The following AFG2B variants were observed in gnomAD, a reference collection of about 807,000 sequenced individuals.
AFG2B encodes AAA ATPase AFG2B, also known as ATPase family gene 2 protein homolog B.
the AFG2B span, chr15:45,421,275 C>A: frequency 8.9e-7 from 1 of 1,126,370 alleles, no homozygotes; most frequent in Non-Finnish European, 1.2e-6. Flanking sequence ...TCGTTTGCAA[C>A]TTCACACTTT....
the AFG2B span, chr15:45,402,429 G>C: frequency 1.9e-6 from 3 of 1,600,454 alleles, no homozygotes; most frequent in South Asian, 1.1e-5. Context: ...ATCTGTGTGC[G>C]ATGGCTCCGG....
At chr15:45,419,985 G>GGGCCCC in the AFG2B span, among the ~76,000 whole-genome samples, 1 of 76,872 alleles carries the variant, frequency 1.3e-5, no homozygotes, top group East Asian at 1.8e-3. Flanking sequence ...GCAAGACTCT[G>GGGCCCC]TCCCCCCCCC....
At chr15:45,415,577 C>T in the AFG2B span, 2 of 1,605,772 alleles carry the variant, frequency 1.2e-6, no homozygotes, top group African/African-American at 1.4e-5. Context: ...TATTTTTTTC[C>T]TAACAAAAGA....
At chr15:45,408,143 TTGACAATAAAAGGAA>T in the AFG2B span, among the ~76,000 whole-genome samples, 1 of 152,210 alleles carries the variant, frequency 6.6e-6, no homozygotes, top group African/African-American at 2.4e-5. Flanking sequence ...GAACAGGTAG[TTGACAATAAAAGGAA>T]TGACAATAAA....
the AFG2B span, chr15:45,418,552 T>C: frequency 6.3e-7 from 1 of 1,587,300 alleles, no homozygotes; most frequent in Non-Finnish European, 8.5e-7. Flanking sequence ...TTTATTTTGT[T>C]CCAGGGCAGG....
the AFG2B span, chr15:45,410,598 A>G: frequency 2.1e-6 from 3 of 1,457,304 alleles, no homozygotes; most frequent in Non-Finnish European, 1.9e-6. Flanking sequence ...TTATGATGAC[A>G]ACATACTGCG....
the AFG2B span, among the ~76,000 whole-genome samples, chr15:45,407,708 G>A: frequency 6.6e-6 from 1 of 152,130 alleles, no homozygotes; most frequent in African/African-American, 2.4e-5. Context: ...CTTAACATCT[G>A]TTTACAAATA....
chr15:45,410,337 G>C, the AFG2B span: 2 of 1,592,806 alleles, frequency 1.3e-6, no homozygotes, highest in Non-Finnish European at 8.6e-7. Flanking sequence ...CCTAATTTTT[G>C]GTTTGATTTT....
chr15:45,414,027 T>C, the AFG2B span, among the ~76,000 whole-genome samples: 281 of 152,298 alleles, frequency 1.8e-3, no homozygotes, highest in African/African-American at 6.6e-3. Context: ...TTGCTTACGT[T>C]CTAGCAGAGC....
chr15:45,411,272 G>T, the AFG2B span, among the ~76,000 whole-genome samples: 2 of 152,140 alleles, frequency 1.3e-5, no homozygotes, highest in African/African-American at 4.8e-5. Context: ...TTGAGGCCAA[G>T]AGTTCAAGAC....
the AFG2B span, chr15:45,402,724 C>T: frequency 1.9e-6 from 3 of 1,564,580 alleles, no homozygotes; most frequent in African/African-American, 4.1e-5. Context: ...CCTGAATCGC[C>T]TCCTCCTAGT....
chr15:45,412,570 G>A, the AFG2B span, among the ~76,000 whole-genome samples: 4 of 152,032 alleles, frequency 2.6e-5, no homozygotes, highest in Non-Finnish European at 5.9e-5. Flanking sequence ...ATTGTATTCT[G>A]ATAAAAGTAT....
the AFG2B span, chr15:45,403,256 G>A: frequency 6.3e-7 from 1 of 1,585,042 alleles, no homozygotes; most frequent in African/African-American, 1.4e-5. Context: ...TCCCGGCCTG[G>A]GGAGACCGAG....
chr15:45,404,037 A>G, the AFG2B span, among the ~76,000 whole-genome samples: 1 of 152,258 alleles, frequency 6.6e-6, no homozygotes, highest in South Asian at 2.1e-4. Context: ...CTATTCCACA[A>G]TTGAGGAGGT....
At chr15:45,405,316 A>G in the AFG2B span, 7 of 1,613,852 alleles carry the variant, frequency 4.3e-6, no homozygotes, top group Admixed American at 3.3e-5. Flanking sequence ...TGCTTTGCAT[A>G]TAGGTGGTCA....
At chr15:45,420,841 A>G in the AFG2B span, among the ~76,000 whole-genome samples, 1 of 152,074 alleles carries the variant, frequency 6.6e-6, no homozygotes, top group African/African-American at 2.4e-5. Flanking sequence ...AAAATACAAA[A>G]ATTAGTTGGG....
At chr15:45,409,813 G>A in the AFG2B span, among the ~76,000 whole-genome samples, 5 of 152,146 alleles carry the variant, frequency 3.3e-5, no homozygotes, top group Non-Finnish European at 7.3e-5. Flanking sequence ...ACTGCAGTGA[G>A]CTATGATAAC....
the AFG2B span, chr15:45,414,426 A>G: frequency 1.8e-4 from 123 of 688,196 alleles, 1 homozygote; most frequent in Admixed American, 8.6e-4. Flanking sequence ...GATTCAAATG[A>G]TAAGATCTCT....
At chr15:45,410,597 CA>C in the AFG2B span, 1 of 1,452,658 alleles carries the variant, frequency 6.9e-7, no homozygotes, top group Non-Finnish European at 9.3e-7. Flanking sequence ...TTTATGATGA[CA>C]ACATACTGCG....
Sources: gnomAD v4.1 joint callset for allele counts (sites outside exome capture counted in the v4.1 genomes callset) on GRCh38, gnomAD v4.1.1 for gene constraint, MANE v1.5 for transcripts, NCBI Gene and HGNC (gene_info 2026-07-23, HGNC 2026-07-21) for gene names.